Variants in TMEM108 observed in about 807,000 individuals in gnomAD.
The protein encoded by TMEM108 is transmembrane protein 108.
Under a neutral mutation model 35.1 loss-of-function variants are expected in TMEM108, and 12 were observed. The observed-to-expected ratio is 0.34, with a 90% CI of 0.22 to 0.55. TMEM108 has a LOEUF of 0.55. Among genes scored for constraint, TMEM108 ranks in the 20% least tolerant of loss-of-function variants. The pLI is 0.89. For missense variants in TMEM108, 680 were observed against 753.3 expected (o/e 0.90, Z 1.14); for synonymous variants, 287 against 308.6 (o/e 0.93, Z 0.73).
At chr3:133,327,953 C>A (rs537323053) in intron 3 of TMEM108, among the ~76,000 whole-genome samples, 47 of 152,210 alleles carry the variant, frequency 3.1e-4, no homozygotes, top group African/African-American at 1.1e-3. Flanking sequence ...ACTGATAGCC[C>A]CAATTCCGTT....
At chr3:133,203,923 C>T (rs1011180250) in intron 2 of TMEM108, among the ~76,000 whole-genome samples, 6 of 152,130 alleles carry the variant, frequency 3.9e-5, no homozygotes, top group Non-Finnish European at 8.8e-5. Context: ...TCCATCTGGT[C>T]ATTGGCTTTT....
At chr3:133,054,031 G>T (rs1943436159) in intron 2 of TMEM108, among the ~76,000 whole-genome samples, 1 of 152,172 alleles carries the variant, frequency 6.6e-6, no homozygotes, top group Non-Finnish European at 1.5e-5. Context: ...TTTAGTAAGG[G>T]CTATGGGCCT....
chr3:133,140,201 C>T (rs1369988314), intron 2 of TMEM108, among the ~76,000 whole-genome samples: 1 of 152,186 alleles, frequency 6.6e-6, no homozygotes, highest in Non-Finnish European at 1.5e-5. Context: ...AGAAATCCCA[C>T]CTCTTTTTCA....
At chr3:133,214,824 G>A (rs2107843488) in intron 2 of TMEM108, among the ~76,000 whole-genome samples, 1 of 152,182 alleles carries the variant, frequency 6.6e-6, no homozygotes, top group African/African-American at 2.4e-5. Context: ...TCTCATAGGA[G>A]CAGGAACCCT....
At chr3:133,128,244 C>G (rs1044367843) in intron 2 of TMEM108, among the ~76,000 whole-genome samples, 2 of 152,190 alleles carry the variant, frequency 1.3e-5, no homozygotes, top group Admixed American at 6.5e-5. Context: ...AATTCATCCA[C>G]TCTGTTTTGA....
chr3:133,177,183 C>T (rs1377217934), intron 2 of TMEM108, among the ~76,000 whole-genome samples: 4 of 152,102 alleles, frequency 2.6e-5, no homozygotes, highest in African/African-American at 7.2e-5. Flanking sequence ...AATAGCTTAC[C>T]AACCAAAAAA....
intron 2 of TMEM108, among the ~76,000 whole-genome samples, chr3:133,124,316 T>C (rs1321041227): frequency 1.7e-4 from 26 of 152,224 alleles, no homozygotes. Context: ...GTGACGTACA[T>C]GGCAAAATGG....
intron 2 of TMEM108, among the ~76,000 whole-genome samples, chr3:133,156,028 G>T (rs1192796432): frequency 6.9e-6 from 1 of 144,352 alleles, no homozygotes; most frequent in Non-Finnish European, 1.5e-5. Flanking sequence ...AATACGTAAG[G>T]TGAGGGTCCA....
chr3:133,234,105 A>T (rs56017427), intron 3 of TMEM108, among the ~76,000 whole-genome samples: 2 of 151,766 alleles, frequency 1.3e-5, no homozygotes, highest in East Asian at 1.9e-4. Context: ...TTAGACATGA[A>T]GTGCTTGCCC....
chr3:133,333,841 G>T (rs1204488179), intron 3 of TMEM108, among the ~76,000 whole-genome samples: 1 of 152,186 alleles, frequency 6.6e-6, no homozygotes, highest in African/African-American at 2.4e-5. Flanking sequence ...CACTTTGAGG[G>T]ACAGTCAAGG....
intron 3 of TMEM108, among the ~76,000 whole-genome samples, chr3:133,337,485 C>T (rs941119224): frequency 7.2e-5 from 11 of 152,150 alleles, no homozygotes; most frequent in African/African-American, 2.2e-4. Flanking sequence ...AGAACCACAG[C>T]GTTACTGGGC....
intron 5 of TMEM108, among the ~76,000 whole-genome samples, chr3:133,392,611 A>T (rs1417512040): frequency 6.6e-6 from 1 of 151,932 alleles, no homozygotes; most frequent in Admixed American, 6.6e-5. Flanking sequence ...GGCACCTCAA[A>T]CTCAACACAC....
At chr3:133,304,309 C>A (rs908416046) in intron 3 of TMEM108, among the ~76,000 whole-genome samples, 1 of 152,096 alleles carries the variant, frequency 6.6e-6, no homozygotes, top group Non-Finnish European at 1.5e-5. Context: ...TTGCATGTTC[C>A]TTCTAAACTT....
intron 4 of TMEM108, among the ~76,000 whole-genome samples, chr3:133,383,679 C>T (rs1193370337): frequency 6.6e-6 from 1 of 152,206 alleles, no homozygotes; most frequent in Non-Finnish European, 1.5e-5. Flanking sequence ...AAATGTCAGC[C>T]AAGACAGGAG....
chr3:133,163,167 G>A (rs919364872), intron 2 of TMEM108, among the ~76,000 whole-genome samples: 6 of 152,144 alleles, frequency 3.9e-5, no homozygotes, highest in African/African-American at 1.4e-4. Flanking sequence ...TATTCATGAG[G>A]GAAAGAGACT....
chr3:133,290,314 A>T (rs929830375), intron 3 of TMEM108, among the ~76,000 whole-genome samples: 1 of 152,150 alleles, frequency 6.6e-6, no homozygotes, highest in Non-Finnish European at 1.5e-5. Context: ...TATGAGACTT[A>T]GTTCTTCTCT....
At chr3:133,083,654 T>A (rs1411835350) in intron 2 of TMEM108, among the ~76,000 whole-genome samples, 1 of 152,228 alleles carries the variant, frequency 6.6e-6, no homozygotes, top group Non-Finnish European at 1.5e-5. Flanking sequence ...CCTGAAGTAA[T>A]GTTTTATTTT....
In TMEM108 at chr3:133,380,088, C is replaced by T; in HGVS notation, c.377C>T (p.Ser126Phe). ...GCTCCAGCAGCCATGGCAACCACAT[C>T]CTCCAAGCCAGAGGGCCGCCCTCGA... ...GPAPAAMATT[S>F]SKPEGRPRGQ... is the part of the protein sequence containing the mutation. The change falls in exon 4 of 6, where the codon TCC (serine) becomes TTC (phenylalanine). Residue 126 changes from serine (S) to phenylalanine (F), a missense_variant. Physicochemically the swap from Ser to Phe is radical, Grantham distance 155. This residue lies in a region of TMEM108 where 526 missense variants were observed against 532.1 expected (regional missense o/e 0.99). Coordinates refer to ENST00000321871, the MANE Select transcript of TMEM108 (RefSeq NM_023943.4). The surrounding 1 kb of genome is among the most constrained non-coding windows in gnomAD (Gnocchi z 5.3). The T allele has an allele frequency of 6.2e-7, 1 of 1,614,040 alleles. No individual in the cohort carries two copies. The highest frequency in any genetic ancestry group is 8.5e-7 in the Non-Finnish European group (1 of 1,179,984).
intron 2 of TMEM108, among the ~76,000 whole-genome samples, chr3:133,175,622 T>C (rs1275094777): frequency 6.6e-6 from 1 of 152,142 alleles, no homozygotes; most frequent in East Asian, 1.9e-4. Flanking sequence ...AAGCAAATGC[T>C]GAGAGATTTT....
Sources: allele counts gnomAD v4.1 joint callset (sites outside exome capture counted in the v4.1 genomes callset), GRCh38; gene constraint gnomAD v4.1.1; regional missense constraint gnomAD v4.1.1; non-coding constraint Gnocchi (gnomAD v3.1); transcripts MANE v1.5; gene names NCBI Gene and HGNC (gene_info 2026-07-23, HGNC 2026-07-21).